Variants in PLEC observed in about 807,000 individuals in gnomAD.
PLEC encodes plectin, also known as hemidesmosomal protein 1.
A neutral mutation model predicts 392.8 loss-of-function variants in PLEC; 216 were observed. That is an observed-to-expected ratio of 0.55 (90% confidence interval 0.49 to 0.62). PLEC has a LOEUF of 0.62. Ranked by LOEUF, PLEC falls within the 20% of genes least tolerant of loss-of-function variation. The pLI is 0.00. For missense variants in PLEC, 6,863 were observed against 6,563.4 expected (o/e 1.05, Z -1.58); for synonymous variants, 3,621 against 2,980.6 (o/e 1.21, Z -7.00).
rs1554691347 is a variant in PLEC, at chr8:143,923,091, C to T, written c.6838G>A (p.Ala2280Thr). 6.2e-7 allele frequency: 1 copy of T among 1,606,952 alleles called. No homozygotes were observed. Among genetic ancestry groups the T allele is most frequent in the African/African-American group, 1.3e-5 (1 of 74,964 alleles). ...AEKMKQVAEE[A>T]ARLSVAAQEA... Reference sequence around the variant, plus strand: ...TGGGCCGCCACACTCAGCCGCGCGGCCTCCTCCGCCACCTGCTTCATCTTC... The same window carrying T: ...TGGGCCGCCACACTCAGCCGCGCGGTCTCCTCCGCCACCTGCTTCATCTTC... Residue 2280 changes from alanine to threonine, a missense_variant, in exon 31 of 32, where the codon GCC becomes ACC. Coordinates refer to ENST00000345136, the MANE Select transcript of PLEC (RefSeq NM_201384.3).
At position 143,933,263 on chromosome 8, in the gene PLEC, A is replaced by C; in HGVS notation, c.1352T>G (p.Leu451Arg). Reference sequence around the variant, plus strand: ...GAGGGTCTGCACGTCGTTGAAGAGCAGCCGGATCATGCTATCCGCCTTGTC... The same window carrying C: ...GAGGGTCTGCACGTCGTTGAAGAGCCGCCGGATCATGCTATCCGCCTTGTC... ...DLDKADSMIR[L>R]LFNDVQTLKD... Residue 451 changes from leucine to arginine, a missense_variant, in exon 13 of 32, where the codon CTG (leucine) becomes CGG (arginine). Physicochemically the swap from Leu to Arg is moderately radical, Grantham distance 102 (BLOSUM62 -2). Coordinates refer to ENST00000345136, the MANE Select transcript of PLEC (RefSeq NM_201384.3). The C allele has an allele frequency of 1.2e-6, 2 of 1,613,202 alleles. No homozygotes were observed. The highest frequency in any genetic ancestry group is 1.7e-6 in the Non-Finnish European group (2 of 1,179,972).
intron 1 of PLEC, among the ~76,000 whole-genome samples, chr8:143,961,724 G>C (rs1554740945): frequency 6.6e-6 from 1 of 152,200 alleles, no homozygotes; most frequent in African/African-American, 2.4e-5. Context: ...TGCCCAAGCT[G>C]TATCACTAAG....
rs782329522 is a variant in PLEC at position 143,923,171 on chromosome 8, G to A, written c.6758C>T (p.Ala2253Val). 9.6e-5 allele frequency: 154 copies of A among 1,602,430 alleles called. No individual in the cohort carries two copies. The highest frequency in any genetic ancestry group is 1.2e-4 in the Non-Finnish European group (147 of 1,179,890). The change falls in exon 31 of 32, where the codon GCA becomes GTA. Residue 2253 changes from alanine (A) to valine (V), a missense_variant. By Grantham distance (64) the Ala-to-Val change is moderately conservative. Coordinates refer to ENST00000345136, the MANE Select transcript of PLEC (RefSeq NM_201384.3). ...LKARIEAENR[A>V]LILRDKDNTQ... ...ATTGTCCTTGTCACGCAAGATGAGT[G>A]CGCGGTTCTCAGCCTCGATGCGTGC... is the stretch of plus-strand genomic sequence containing the variant.
At position 143,922,312 on chromosome 8, in the gene PLEC, T is replaced by C. The variant is rs553599252; in HGVS notation, c.7509A>G (p.Leu2503=). ...QSFLSEKDSL[L]QRERFIEQEK... is the part of the protein sequence containing the mutation. ...CCTGCTCGATGAAGCGCTCCCGCTG[T>C]AGCAGGCTGTCCTTTTCAGAGAGGA... is the stretch of plus-strand genomic sequence containing the variant. The change falls in exon 32 of 32, where the codon CTA becomes CTG. Residue 2503 remains leucine, a synonymous_variant. Transcript: ENST00000345136. 9 of 1,607,748 alleles carry C rather than the reference T, an allele frequency of 5.6e-6. No homozygotes were observed. The South Asian group carries it at 9.9e-5, about 18-fold the overall frequency.
Position 143,919,525 on chromosome 8 carries a change from G to T in PLEC, c.10296C>A (p.Ala3432=), listed in dbSNP as rs201848957. Reference sequence around the variant, plus strand: ...AGTAGGGGTCTCTGTAGCCGGTGACGGCCTTCTCGGCAGACAGCAGCTGCT... The same window carrying T: ...AGTAGGGGTCTCTGTAGCCGGTGACTGCCTTCTCGGCAGACAGCAGCTGCT... ...LHEQLLSAEK[A]VTGYRDPYSG... is the part of the protein sequence containing the mutation. Residue 3432 remains alanine, a synonymous_variant, in exon 32 of 32, where the codon GCC becomes GCA. Coordinates refer to ENST00000345136, the MANE Select transcript of PLEC (RefSeq NM_201384.3). The T allele has an allele frequency of 2.7e-4, 442 of 1,611,740 alleles. 2 individuals carry two copies. In the African/African-American group the frequency reaches 5.3e-3, roughly 19 times the overall value.
upstream of PLEC, chr8:143,950,992 C>T (rs1170441151): frequency 1.8e-6 from 1 of 553,132 alleles, no homozygotes; most frequent in African/African-American, 2.0e-5. Context: ...ATGGGCGGCC[C>T]CTCCCACCCA....
At chr8:143,975,112 C>G, upstream of PLEC, 2 of 1,536,558 alleles carry the variant, frequency 1.3e-6, no homozygotes, top group Non-Finnish European at 1.8e-6. This position sits in a 1 kb window ranked among gnomAD's most constrained non-coding sequence, Gnocchi z 9.9. Flanking sequence ...GCGCCTAGCA[C>G]GCAGCGGGAA....
Position 143,918,238 on chromosome 8 carries a change from G to A in PLEC, c.11583C>T (p.Leu3861=), listed in dbSNP as rs782209008. The change falls in exon 32 of 32, where the codon CTC becomes CTT. Residue 3861 remains leucine, a synonymous_variant. Coordinates refer to ENST00000345136, the MANE Select transcript of PLEC (RefSeq NM_201384.3). ...TDERLSYTQL[L]RRCRRDDGTG... ...TGCCGTCGTCACGACGGCACCGCCT[G>A]AGCAGCTGCGTGTAGCTGAGGCGCT... 4 of 1,588,826 alleles carry A rather than the reference G, an allele frequency of 2.5e-6. No individual in the cohort carries two copies. The African/African-American group carries it at 4.0e-5, about 16-fold the overall frequency.
chr8:143,968,529 CA>C (rs57468544), intron 1 of PLEC, among the ~76,000 whole-genome samples: 4,806 of 63,654 alleles, frequency 0.076, 114 homozygotes, highest in Admixed American at 0.1. Context: ...AACTCCATCT[CA>C]AAAAAAAAAA....
upstream of PLEC, chr8:143,942,528 C>A: frequency 6.4e-7 from 1 of 1,558,350 alleles, no homozygotes; most frequent in Non-Finnish European, 8.6e-7. Flanking sequence ...CGGCCACGGC[C>A]GGAGCCCTGG....
At position 143,973,215 on chromosome 8, in the gene PLEC, G is replaced by A. The variant is rs576594404; in HGVS notation, c.70+188C>T. 6.2e-5 allele frequency among the ~76,000 whole-genome samples: 9 copies of A among 146,174 alleles called. No homozygotes were observed. The South Asian group carries it at 1.4e-3, about 23-fold the overall frequency. Reference sequence around the variant, plus strand: ...GATGCCCTATTAAGGGCATGGCCTCGGGGGCTCAGCGGAGCGAGTCCTCCC... The same window carrying A: ...GATGCCCTATTAAGGGCATGGCCTCAGGGGCTCAGCGGAGCGAGTCCTCCC... On this transcript the variant is annotated intron_variant, in intron 1 of 31. Coordinates refer to the PLEC transcript ENST00000356346. The surrounding 1 kb of genome is among the most constrained non-coding windows in gnomAD (Gnocchi z 5.6).
In PLEC at chr8:143,916,112, C is replaced by T. The variant is rs1396673230; in HGVS notation, c.*65G>A. ...GGAAGACACCTTTAAGCGTTGAAAA[C>T]GGCCCCCGCGCCTCGGTGGGAGCCG... On this transcript the variant is annotated 3_prime_UTR_variant, in exon 32 of 32. Coordinates refer to ENST00000345136, the MANE Select transcript of PLEC (RefSeq NM_201384.3). 28 of 1,256,246 alleles carry T rather than the reference C, an allele frequency of 2.2e-5. No homozygotes were observed. In the East Asian group the frequency reaches 2.3e-4, roughly 10 times the overall value. The allele number at this position is 1,256,246 out of a possible 1,614,324, so 77.8% of individuals were successfully genotyped here.
Position 143,921,489 on chromosome 8 carries a change from T to C in PLEC, c.8332A>G (p.Lys2778Glu), listed in dbSNP as rs1554685943. The C allele has an allele frequency of 1.9e-6, 3 of 1,612,988 alleles. No homozygotes were observed. The South Asian group carries it at 3.3e-5, about 18-fold the overall frequency. Residue 2778 changes from lysine (K) to glutamate (E), a missense_variant, in exon 32 of 32, where the codon AAG (lysine) becomes GAG (glutamate). Physicochemically the swap from Lys to Glu is moderately conservative, Grantham distance 56. Coordinates refer to ENST00000345136, the MANE Select transcript of PLEC (RefSeq NM_201384.3). ...LSAERAVTGY[K>E]DPYTGQQISL... ...ATCTGCTGGCCAGTGTAGGGGTCCT[T>C]GTAGCCAGTGACGGCGCGCTCGGCC...
At position 143,927,430 on chromosome 8, in the gene PLEC, C is replaced by T; in HGVS notation, c.3736G>A (p.Glu1246Lys). ...MPLADSQAVREQLRQEQALLE... is the reference protein window; with the variant it reads ...MPLADSQAVRKQLRQEQALLE... ...CCCACCTGCTCCTGCCGCAGCTGCT[C>T]CCGCACAGCCTGGCTGTCGGCCAGC... The change falls in exon 27 of 32, where the codon GAG becomes AAG. Residue 1246 changes from glutamate to lysine, a missense_variant. Transcript: ENST00000345136. The T allele has an allele frequency of 6.2e-7, 1 of 1,601,560 alleles. No individual in the cohort carries two copies. The highest frequency in any genetic ancestry group is 2.2e-5 in the East Asian group (1 of 44,850).
chr8:143,950,938 G>A (rs1016118816), upstream of PLEC: 24 of 874,860 alleles, frequency 2.7e-5, no homozygotes, highest in Admixed American at 2.8e-4. Context: ...CCGGCTGCCC[G>A]CCTTCCTCCA....
At position 143,924,349 on chromosome 8, in the gene PLEC, C is replaced by G; in HGVS notation, c.5580G>C (p.Glu1860Asp). 6.3e-7 allele frequency: 1 copy of G among 1,597,148 alleles called. No homozygotes were observed. Among genetic ancestry groups the G allele is most frequent in the Non-Finnish European group, 8.5e-7 (1 of 1,178,800 alleles). Residue 1860 changes from glutamate (E) to aspartate (D), a missense_variant, in exon 31 of 32, where the codon GAG becomes GAC. By Grantham distance (45) the Glu-to-Asp change is conservative (BLOSUM62 2). Transcript: ENST00000345136. ...GCCGCCGCAGGCGCTCGTTCTCCGC[C>G]TCCTTCTCCTTGAGCGCGATCTCCG... Reference protein sequence around the residue: ...TEAEIALKEKEAENERLRRLA... With the variant: ...TEAEIALKEKDAENERLRRLA...
In PLEC at chr8:143,922,882, GTCC is replaced by G; in HGVS notation, c.7044_7046del (p.Glu2348del). 6.3e-7 allele frequency: 1 copy of G among 1,582,654 alleles called. No homozygotes were observed. Among genetic ancestry groups the G allele is most frequent in the South Asian group, 1.1e-5 (1 of 87,780 alleles). Reference sequence around the variant, plus strand: ...CCAGCTGCTGCGCCATCTGCTCCTTGTCCTCCTGCAGCCGCCGCGCCTGCTCCT... The same window carrying G: ...CCAGCTGCTGCGCCATCTGCTCCTTGTCCTGCAGCCGCCGCGCCTGCTCCT... On this transcript the variant is annotated inframe_deletion, in exon 31 of 32. Coordinates refer to ENST00000345136, the MANE Select transcript of PLEC (RefSeq NM_201384.3).
chr8:143,932,174 C>A lies in PLEC; in HGVS notation c.2038G>T (p.Asp680Tyr). Residue 680 changes from aspartate to tyrosine, a missense_variant, in exon 17 of 32, where the codon GAC becomes TAC. By Grantham distance (160) the Asp-to-Tyr change is radical. Coordinates refer to ENST00000345136, the MANE Select transcript of PLEC (RefSeq NM_201384.3). ...KKIKELQNAGDRLLREDHPAR... is the reference protein window; with the variant it reads ...KKIKELQNAGYRLLREDHPAR... Reference sequence around the variant, plus strand: ...GGGTGGTCCTCCCGCAGCAGCCGGTCCCCAGCATTTTGGAGCTCCTTGATC... The same window carrying A: ...GGGTGGTCCTCCCGCAGCAGCCGGTACCCAGCATTTTGGAGCTCCTTGATC... 1 of 1,612,266 alleles carries A rather than the reference C, an allele frequency of 6.2e-7. No individual in the cohort carries two copies. The highest frequency in any genetic ancestry group is 8.5e-7 in the Non-Finnish European group (1 of 1,179,868).
Position 143,935,442 on chromosome 8 carries a change from A to G in PLEC, c.603-129T>C, listed in dbSNP as rs11784762. On this transcript the variant is annotated intron_variant, in intron 6 of 31. Transcript: ENST00000345136. ...ACCCCCCCAACACTCACCCTGAAAA[A>G]TACACTGTCACATGGGCAGAGCTGA... 0.35 allele frequency: 255,521 copies of G among 726,488 alleles called. 49,334 individuals are homozygous for G. Among genetic ancestry groups the G allele is most frequent in the Non-Finnish European group, 0.4 (163,574 of 408,836 alleles). The allele number at this position is 726,488 out of a possible 1,614,324, so 45.0% of individuals were successfully genotyped here.
Sources: gnomAD v4.1 joint callset for allele counts (sites outside exome capture counted in the v4.1 genomes callset) on GRCh38, gnomAD v4.1.1 for gene constraint, Gnocchi (gnomAD v3.1) non-coding constraint, MANE v1.5 for transcripts, NCBI Gene and HGNC (gene_info 2026-07-23, HGNC 2026-07-21) for gene names.